The following GRM7 variants were observed in gnomAD, a reference collection of about 807,000 sequenced individuals.
The protein encoded by GRM7 is glutamate metabotropic receptor 7.
GRM7 carries 35 observed loss-of-function variants against 84.5 expected under a neutral mutation model. The observed-to-expected ratio is 0.41, with a 90% CI of 0.32 to 0.55. The LOEUF (loss-of-function observed/expected upper bound fraction) is 0.55, where lower values mean the gene tolerates loss of function less well. Among genes scored for constraint, GRM7 ranks in the 20% least tolerant of loss-of-function variants. The pLI, the probability that GRM7 is intolerant of heterozygous loss-of-function variation, is 0.19. For missense variants in GRM7, 1,003 were observed against 1,194.6 expected, an observed-to-expected ratio of 0.84 and a Z score of 2.36; for synonymous variants, 487 against 455.1, an observed-to-expected ratio of 1.07 and a Z score of -0.89.
chr3:7,464,353 A>G (rs1355922906), intron 7 of GRM7, among the ~76,000 whole-genome samples: 3 of 152,232 alleles, frequency 2.0e-5, no homozygotes, highest in African/African-American at 7.2e-5. Flanking sequence ...GGATTATTAT[A>G]TATGTGAGAC....
intron 7 of GRM7, among the ~76,000 whole-genome samples, chr3:7,542,701 C>G (rs1175199124): frequency 6.6e-6 from 1 of 152,026 alleles, no homozygotes; most frequent in African/African-American, 2.4e-5. Context: ...GCACATGCCA[C>G]CACGCCAGGC....
chr3:7,031,731 T>C (rs1456840791), intron 1 of GRM7, among the ~76,000 whole-genome samples: 1 of 152,198 alleles, frequency 6.6e-6, no homozygotes, highest in Non-Finnish European at 1.5e-5. Flanking sequence ...GTTAATAACA[T>C]ATTCATAGAT....
intron 1 of GRM7, among the ~76,000 whole-genome samples, chr3:6,948,632 C>T (rs144143734): frequency 0.23 from 35,131 of 151,878 alleles, 4,219 homozygotes; most frequent in Non-Finnish European, 0.26. Flanking sequence ...GTCTTGTTGA[C>T]CTGTCTAATA....
intron 1 of GRM7, among the ~76,000 whole-genome samples, chr3:7,125,154 G>A (rs909875893): frequency 3.9e-5 from 6 of 152,042 alleles, no homozygotes; most frequent in African/African-American, 1.4e-4. Context: ...TGGCCAGGCT[G>A]GTCTCAAACT....
chr3:6,864,756 T>C (rs1170063636), intron 1 of GRM7, among the ~76,000 whole-genome samples: 1 of 152,112 alleles, frequency 6.6e-6, no homozygotes, highest in Non-Finnish European at 1.5e-5. Flanking sequence ...TGCTGAGCAC[T>C]GAAGGGAAGG....
chr3:6,962,930 T>C (rs965224761), intron 1 of GRM7, among the ~76,000 whole-genome samples: 3 of 152,246 alleles, frequency 2.0e-5, no homozygotes, highest in African/African-American at 7.2e-5. Context: ...TCTCTGGCTA[T>C]CATCAATCAT....
intron 1 of GRM7, among the ~76,000 whole-genome samples, chr3:7,033,535 G>A (rs1173103831): frequency 2.0e-5 from 3 of 152,162 alleles, no homozygotes; most frequent in African/African-American, 7.2e-5. Context: ...ATATTCTCAA[G>A]TTCATTCTTC....
intron 9 of GRM7, among the ~76,000 whole-genome samples, chr3:7,689,627 G>A (rs1412042639): frequency 6.6e-6 from 1 of 152,178 alleles, no homozygotes; most frequent in Non-Finnish European, 1.5e-5. Flanking sequence ...GCCGTCTTAA[G>A]TTCAACTTAA....
chr3:7,270,037 G>C (rs1698795300), intron 2 of GRM7, among the ~76,000 whole-genome samples: 1 of 152,154 alleles, frequency 6.6e-6, no homozygotes, highest in South Asian at 2.1e-4. Context: ...CCTATTGCTA[G>C]GTCCCACGCC....
At chr3:7,282,074 C>T (rs1221281908) in intron 2 of GRM7, among the ~76,000 whole-genome samples, 1 of 152,120 alleles carries the variant, frequency 6.6e-6, no homozygotes, top group Non-Finnish European at 1.5e-5. Context: ...CAGGATGAGA[C>T]TCCATCTCTA....
intron 8 of GRM7, among the ~76,000 whole-genome samples, chr3:7,636,903 C>T (rs535607305): frequency 3.9e-4 from 27 of 70,100 alleles, no homozygotes; most frequent in Non-Finnish European, 6.4e-4. Flanking sequence ...ATTCTGTTTA[C>T]TAACATCAGT....
chr3:7,701,278 C>T (rs1239313972), intron 9 of GRM7, among the ~76,000 whole-genome samples: 1 of 148,866 alleles, frequency 6.7e-6, no homozygotes, highest in Non-Finnish European at 1.5e-5. Flanking sequence ...GAAGCTCATA[C>T]AGAAGATACC....
At position 7,568,509 on chromosome 3, in the gene GRM7, C is replaced by A. The variant is rs534428635; in HGVS notation, c.1516-9913C>A. 1.2e-4 allele frequency among the ~76,000 whole-genome samples: 18 copies of A among 152,366 alleles called. No individual in the cohort carries two copies. In the East Asian group the frequency reaches 1.5e-3, roughly 13 times the overall value. ...GCCCACTCTGGCCACACTTGAGGAGCCCTTCAGCCTGCCGCTGCACTGTGG... is the reference window on the plus strand; with the variant it reads ...GCCCACTCTGGCCACACTTGAGGAGACCTTCAGCCTGCCGCTGCACTGTGG... On this transcript the variant is annotated intron_variant, in intron 7 of 9. Coordinates refer to ENST00000357716, the MANE Select transcript of GRM7 (RefSeq NM_000844.4).
intron 1 of GRM7, among the ~76,000 whole-genome samples, chr3:7,063,822 C>T (rs1697521233): frequency 6.6e-6 from 1 of 151,652 alleles, no homozygotes; most frequent in African/African-American, 2.4e-5. Flanking sequence ...TCTGAGTCTG[C>T]ATATTTTTCA....
intron 2 of GRM7, among the ~76,000 whole-genome samples, chr3:7,237,620 G>T (rs567413588): frequency 6.6e-6 from 1 of 152,120 alleles, no homozygotes; most frequent in Non-Finnish European, 1.5e-5. Flanking sequence ...GAGTGAAGCC[G>T]CAGACCTTTG....
intron 4 of GRM7, among the ~76,000 whole-genome samples, chr3:7,409,619 G>A (rs1695833980): frequency 6.7e-6 from 1 of 149,788 alleles, no homozygotes; most frequent in Non-Finnish European, 1.5e-5. Flanking sequence ...TTTTGTTTTT[G>A]AGATGGAGTC....
At chr3:7,503,641 G>A (rs539140817) in intron 7 of GRM7, among the ~76,000 whole-genome samples, 1 of 152,246 alleles carries the variant, frequency 6.6e-6, no homozygotes, top group African/African-American at 2.4e-5. Flanking sequence ...CTAATGTGGT[G>A]TATGATAGAT....
intron 1 of GRM7, among the ~76,000 whole-genome samples, chr3:7,034,499 A>C (rs1178944313): frequency 3.7e-4 from 56 of 152,246 alleles, no homozygotes; most frequent in Non-Finnish European, 1.8e-4. Context: ...AAGATAAAGC[A>C]ATTTCATACA....
chr3:7,711,094 C>T (rs1701561684), intron 9 of GRM7, among the ~76,000 whole-genome samples: 1 of 152,154 alleles, frequency 6.6e-6, no homozygotes, highest in South Asian at 2.1e-4. Context: ...AAGTATTAGA[C>T]ACAGTGGTAT....
Sources: allele counts gnomAD v4.1 joint callset (sites outside exome capture counted in the v4.1 genomes callset), GRCh38; gene constraint gnomAD v4.1.1; transcripts MANE v1.5; gene names NCBI Gene and HGNC (gene_info 2026-07-23, HGNC 2026-07-21).